FBXO11: variants seen among roughly 807,000 people sequenced by gnomAD.
FBXO11 encodes F-box only protein 11.
In FBXO11, 13 loss-of-function variants were observed where a neutral mutation model predicts 117.0. The ratio of observed to expected loss-of-function variants is 0.11; its 90% CI spans 0.07 to 0.18. The LOEUF (loss-of-function observed/expected upper bound fraction) is 0.18. FBXO11 is among the 10% of genes least tolerant of loss of function. The probability of loss-of-function intolerance (pLI) is 1.00; values close to 1 mark genes in which losing one functional copy is unlikely to be tolerated. For missense variants in FBXO11, 767 were observed against 1,164.4 expected (o/e 0.66, Z 4.97); for synonymous variants, 490 against 380.5 (o/e 1.29, Z -3.35).
intron 1 of FBXO11, among the ~76,000 whole-genome samples, chr2:47,878,987 G>C (rs1252320072): frequency 4.2e-5 from 6 of 143,152 alleles, no homozygotes; most frequent in African/African-American, 1.6e-4. Context: ...AAACAAAAAA[G>C]CCTCCCTCCC....
At position 47,839,651 on chromosome 2, in the gene FBXO11, G is replaced by C; in HGVS notation, c.351C>G (p.Asn117Lys). Residue 117 changes from asparagine to lysine, a missense_variant, in exon 2 of 23, where the codon AAC (asparagine) becomes AAG (lysine). This residue lies in a region of FBXO11 where 355 missense variants were observed against 299.8 expected (regional missense o/e 1.18). Coordinates refer to ENST00000403359, the MANE Select transcript of FBXO11 (RefSeq NM_001190274.2). ...CTACAGTTAAAGTTACCTCCATACT[G>C]TTCTTTGTGGGACACGCTGTTCTTT... Reference protein sequence around the residue: ...LPKRTACPTKNSMEGASTSTT... With the variant: ...LPKRTACPTKKSMEGASTSTT... 6.2e-7 allele frequency: 1 copy of C among 1,613,964 alleles called. No individual in the cohort carries two copies. Among genetic ancestry groups the C allele is most frequent in the Non-Finnish European group, 8.5e-7 (1 of 1,179,992 alleles).
intron 18 of FBXO11, 148 bp downstream of exon 18, chr2:47,813,086 C>CT: frequency 1.2e-6 from 1 of 828,162 alleles, no homozygotes; most frequent in Admixed American, 1.9e-5. Context: ...ACTCTAGGCA[C>CT]TAATCTCCTA....
chr2:47,879,207 C>G (rs1676248632), intron 1 of FBXO11, among the ~76,000 whole-genome samples: 1 of 152,182 alleles, frequency 6.6e-6, no homozygotes, highest in Non-Finnish European at 1.5e-5. Context: ...TGATGGACAT[C>G]TGGATTGTTT....
intron 1 of FBXO11, among the ~76,000 whole-genome samples, chr2:47,873,260 G>C (rs528601597): frequency 6.6e-6 from 1 of 152,162 alleles, no homozygotes; most frequent in Non-Finnish European, 1.5e-5. Context: ...AGGTTTGAAG[G>C]CCCTTCCCTT....
intron 1 of FBXO11, among the ~76,000 whole-genome samples, chr2:47,901,085 ACATATATATACATATATATG>A (rs1678233324): frequency 8.4e-6 from 1 of 118,408 alleles, no homozygotes; most frequent in African/African-American, 3.1e-5. Flanking sequence ...ACACGTGTGT[ACATATATATACATATATATG>A]TATATATGTA....
chr2:47,875,379 T>G (rs893864905), intron 1 of FBXO11, among the ~76,000 whole-genome samples: 2 of 152,176 alleles, frequency 1.3e-5, no homozygotes, highest in East Asian at 3.8e-4. Flanking sequence ...CTCCTAAATT[T>G]TTTTATACGT....
intron 1 of FBXO11, among the ~76,000 whole-genome samples, chr2:47,879,252 T>C (rs146601507): frequency 4.8e-4 from 73 of 152,344 alleles, no homozygotes; most frequent in African/African-American, 1.7e-3. Flanking sequence ...ATCTGATACA[T>C]GTATCATGTG....
intron 1 of FBXO11, among the ~76,000 whole-genome samples, chr2:47,898,097 T>A (rs572659856): frequency 6.6e-6 from 1 of 152,244 alleles, no homozygotes; most frequent in Non-Finnish European, 1.5e-5. Context: ...ACGGGGTTTT[T>A]AGAAACTGGG....
At chr2:47,843,640 C>G (rs1218229236) in intron 1 of FBXO11, among the ~76,000 whole-genome samples, 1 of 152,074 alleles carries the variant, frequency 6.6e-6, no homozygotes, top group African/African-American at 2.4e-5. Context: ...TTTGGTCTAT[C>G]AGCTTTCTGT....
chr2:47,870,103 G>C (rs1186446246), intron 1 of FBXO11, among the ~76,000 whole-genome samples: 1 of 152,228 alleles, frequency 6.6e-6, no homozygotes, highest in Non-Finnish European at 1.5e-5. Flanking sequence ...GAATTCTCCA[G>C]TCAACTGCCT....
intron 1 of FBXO11, among the ~76,000 whole-genome samples, chr2:47,900,792 A>ATATATATACACGTATACACACACGTG: frequency 1.1e-5 from 1 of 87,154 alleles, no homozygotes; most frequent in African/African-American, 4.2e-5. Flanking sequence ...ACACACGTGT[A>ATATATATACACGTATACACACACGTG]TATATATACA....
At chr2:47,824,369 A>G (rs966567467) in intron 11 of FBXO11, among the ~76,000 whole-genome samples, 3 of 152,088 alleles carry the variant, frequency 2.0e-5, no homozygotes, top group African/African-American at 7.2e-5. Context: ...ACATGTGCCT[A>G]TAAGCCTAGT....
At chr2:47,835,544 G>A (rs1293953937) in intron 5 of FBXO11, among the ~76,000 whole-genome samples, 2 of 152,008 alleles carry the variant, frequency 1.3e-5, no homozygotes, top group Non-Finnish European at 2.9e-5. Context: ...TGTCGCCCAG[G>A]CTGGAGTGCA....
chr2:47,862,343 G>C (rs1674844374), intron 1 of FBXO11, among the ~76,000 whole-genome samples: 1 of 152,220 alleles, frequency 6.6e-6, no homozygotes, highest in Non-Finnish European at 1.5e-5. Flanking sequence ...ATTGGGACTA[G>C]AGCAGTAATA....
intron 1 of FBXO11, among the ~76,000 whole-genome samples, chr2:47,885,535 A>G (rs541145894): frequency 1.3e-5 from 2 of 152,184 alleles, no homozygotes; most frequent in African/African-American, 4.8e-5. Flanking sequence ...AGCTCACACC[A>G]CTGCACTCCA....
At chr2:47,840,362 G>C (rs1672924625) in intron 1 of FBXO11, among the ~76,000 whole-genome samples, 1 of 151,944 alleles carries the variant, frequency 6.6e-6, no homozygotes, top group South Asian at 2.1e-4. Context: ...GGCAAGGAGT[G>C]TGTCTATGAA....
intron 16 of FBXO11, among the ~76,000 whole-genome samples, chr2:47,815,173 GTTTA>G (rs1670922720): frequency 6.6e-6 from 1 of 152,020 alleles, no homozygotes; most frequent in Non-Finnish European, 1.5e-5. Flanking sequence ...CCATAAAAAC[GTTTA>G]TTTTTGTATT....
chr2:47,877,943 A>T (rs548504859), intron 1 of FBXO11, among the ~76,000 whole-genome samples: 7 of 152,228 alleles, frequency 4.6e-5, no homozygotes, highest in African/African-American at 1.4e-4. Context: ...TCGGCCTCCC[A>T]AAGTGCTGGG....
chr2:47,821,788 AAC>A (rs1235754143), intron 13 of FBXO11, among the ~76,000 whole-genome samples: 1 of 151,958 alleles, frequency 6.6e-6, no homozygotes, highest in Admixed American at 6.6e-5. Context: ...CTGTCTCAAA[AAC>A]AACAACAACA....
Sources: allele counts gnomAD v4.1 joint callset (sites outside exome capture counted in the v4.1 genomes callset), GRCh38; gene constraint gnomAD v4.1.1; regional missense constraint gnomAD v4.1.1; transcripts MANE v1.5; gene names NCBI Gene and HGNC (gene_info 2026-07-23, HGNC 2026-07-21).